The following EEF1AKMT2 variants were observed in gnomAD, a reference collection of about 807,000 sequenced individuals.
EEF1AKMT2 encodes the protein EEF1A lysine methyltransferase 2, also known as eukaryotic translation elongation factor 1 alpha lysine methyltransferase 2.
Under a neutral mutation model 35.8 loss-of-function variants are expected in EEF1AKMT2, and 32 were observed. The observed-to-expected ratio is 0.89, with a 90% CI of 0.67 to 1.20. The LOEUF is 1.20. Ranked by LOEUF, EEF1AKMT2 falls within the 50% of genes most tolerant of loss-of-function variation. The pLI is 0.00. For missense variants in EEF1AKMT2, 330 were observed against 347.5 expected (o/e 0.95, Z 0.40); for synonymous variants, 121 against 133.7 (o/e 0.91, Z 0.65).
chr10:124,763,836 G>T (rs1564899974), intron 5 of EEF1AKMT2, among the ~76,000 whole-genome samples: 1 of 152,010 alleles, frequency 6.6e-6, no homozygotes, highest in East Asian at 1.9e-4. Context: ...TCAAAGTTCA[G>T]GAAGAGGAAA....
chr10:124,776,205 T>C (rs1328699988), intron 3 of EEF1AKMT2, among the ~76,000 whole-genome samples: 1 of 152,214 alleles, frequency 6.6e-6, no homozygotes, highest in Non-Finnish European at 1.5e-5. Context: ...CCATGCCTGT[T>C]TATTCTTCTA....
chr10:124,767,138 G>A (rs1950384871), intron 4 of EEF1AKMT2, among the ~76,000 whole-genome samples: 1 of 130,552 alleles, frequency 7.7e-6, no homozygotes, highest in Non-Finnish European at 1.6e-5. Flanking sequence ...TCCAGCCTGG[G>A]AAACAAAGCT....
chr10:124,791,616 C>T, intron 1 of EEF1AKMT2, 108 bp downstream of exon 1: 1 of 1,482,120 alleles, frequency 6.7e-7, no homozygotes, highest in East Asian at 2.5e-5. Flanking sequence ...CGTCACGCCC[C>T]CGAGGGTCTC....
At chr10:124,784,213 T>C (rs1268727590) in intron 3 of EEF1AKMT2, among the ~76,000 whole-genome samples, 1 of 152,052 alleles carries the variant, frequency 6.6e-6, no homozygotes, top group Non-Finnish European at 1.5e-5. Flanking sequence ...TTTAAAAGGA[T>C]TGAAATCATA....
chr10:124,761,779 C>T (rs1050886728), intron 6 of EEF1AKMT2, among the ~76,000 whole-genome samples: 4 of 152,062 alleles, frequency 2.6e-5, no homozygotes, highest in African/African-American at 4.8e-5. Context: ...AAAAATAAGC[C>T]GTTGTGGTGG....
rs1235099527 is a variant in EEF1AKMT2, at chr10:124,769,060, C to A, written c.400-3452G>T. Among the ~76,000 whole-genome samples, 4 of 149,176 alleles carry A rather than the reference C, an allele frequency of 2.7e-5. No individual in the cohort carries two copies. The East Asian group carries it at 6.0e-4, about 22-fold the overall frequency. ...CCTGGGCAACATGACAAAACCCCAT[C>A]TCTACAAAAAAATTAGGTGTGGTGA... On this transcript the variant is annotated intron_variant, in intron 4 of 6. Coordinates refer to ENST00000368836, the MANE Select transcript of EEF1AKMT2 (RefSeq NM_212554.4).
intron 4 of EEF1AKMT2, among the ~76,000 whole-genome samples, chr10:124,766,879 G>A (rs1281782974): frequency 6.6e-6 from 1 of 152,106 alleles, no homozygotes; most frequent in African/African-American, 2.4e-5. Flanking sequence ...AAACAAAACA[G>A]AGCCAGGCGC....
chr10:124,791,103 T>C (rs1257336656), intron 1 of EEF1AKMT2, among the ~76,000 whole-genome samples: 5 of 152,088 alleles, frequency 3.3e-5, no homozygotes, highest in Admixed American at 2.0e-4. Flanking sequence ...TTTCCTACAA[T>C]GATTCTCTAG....
chr10:124,790,004 G>A (rs1444679410), intron 2 of EEF1AKMT2, among the ~76,000 whole-genome samples: 2 of 151,398 alleles, frequency 1.3e-5, no homozygotes, highest in African/African-American at 4.9e-5. Context: ...TGATTCCCCT[G>A]CCTCGGCCTC....
At chr10:124,778,096 C>T (rs573659982) in intron 3 of EEF1AKMT2, among the ~76,000 whole-genome samples, 5 of 151,998 alleles carry the variant, frequency 3.3e-5, no homozygotes, top group Non-Finnish European at 7.4e-5. Flanking sequence ...GAGGCTGAGG[C>T]AGGAGAATCG....
chr10:124,789,434 G>A (rs556497619), intron 2 of EEF1AKMT2, among the ~76,000 whole-genome samples: 163 of 152,238 alleles, frequency 1.1e-3, no homozygotes, highest in African/African-American at 3.8e-3. Context: ...ATTGACAAAG[G>A]ACAACTATAG....
chr10:124,790,965 A>C (rs920403886), intron 1 of EEF1AKMT2, among the ~76,000 whole-genome samples: 1 of 151,968 alleles, frequency 6.6e-6, no homozygotes, highest in Non-Finnish European at 1.5e-5. Flanking sequence ...GGGTTTCACC[A>C]TGTTGGTCAG....
In EEF1AKMT2 at chr10:124,778,231, T is replaced by C. The variant is rs551559499; in HGVS notation, c.292-3449A>G. Among the ~76,000 whole-genome samples the C allele has an allele frequency of 2.0e-5, 3 of 151,928 alleles. No homozygotes were observed. The South Asian group carries it at 6.2e-4, about 32-fold the overall frequency. ...ACACACACATACATACACACAAACA[T>C]ATATGTATACCCAATCCATATGTGG... On this transcript the variant is annotated intron_variant, in intron 3 of 6. Coordinates refer to ENST00000368836, the MANE Select transcript of EEF1AKMT2 (RefSeq NM_212554.4).
intron 3 of EEF1AKMT2, among the ~76,000 whole-genome samples, chr10:124,782,537 G>A (rs1295057145): frequency 2.8e-5 from 4 of 140,380 alleles, no homozygotes; most frequent in Non-Finnish European, 6.0e-5. Context: ...AGCCGAGATC[G>A]CGCCACTGCA....
At chr10:124,762,753 C>T (rs1367951232) in intron 5 of EEF1AKMT2, among the ~76,000 whole-genome samples, 195 bp from the exon 6 acceptor site, 1 of 152,054 alleles carries the variant, frequency 6.6e-6, no homozygotes. Context: ...TATGACATTC[C>T]TTTTAATAAA....
At chr10:124,757,204 C>T (rs545411429), downstream of EEF1AKMT2, among the ~76,000 whole-genome samples, 1 of 120,188 alleles carries the variant, frequency 8.3e-6, no homozygotes, top group African/African-American at 3.6e-5. Context: ...ACACACACGA[C>T]ATTAGCTAAA....
At chr10:124,775,471 C>T (rs1950480458) in intron 3 of EEF1AKMT2, among the ~76,000 whole-genome samples, 1 of 152,158 alleles carries the variant, frequency 6.6e-6, no homozygotes, top group Non-Finnish European at 1.5e-5. Flanking sequence ...GGTCTTTACA[C>T]ACCCCCTAAC....
At chr10:124,775,079 A>G (rs1486961615) in intron 3 of EEF1AKMT2, among the ~76,000 whole-genome samples, 1 of 152,202 alleles carries the variant, frequency 6.6e-6, no homozygotes, top group African/African-American at 2.4e-5. Flanking sequence ...GGTAACATTA[A>G]CTTTTGATGC....
intron 4 of EEF1AKMT2, among the ~76,000 whole-genome samples, chr10:124,771,022 T>C (rs889135713): frequency 1.3e-5 from 2 of 152,226 alleles, no homozygotes; most frequent in Admixed American, 6.5e-5. Flanking sequence ...CCTGTTAATG[T>C]TGATATTCTG....
Sources: gnomAD v4.1 joint callset for allele counts (sites outside exome capture counted in the v4.1 genomes callset) on GRCh38, gnomAD v4.1.1 for gene constraint, MANE v1.5 for transcripts, NCBI Gene and HGNC (gene_info 2026-07-23, HGNC 2026-07-21) for gene names.